Variants in FEZ1 observed in about 807,000 individuals in gnomAD.
The protein encoded by FEZ1 is fasciculation and elongation protein zeta 1.
A neutral mutation model predicts 49.3 loss-of-function variants in FEZ1; 20 were observed. The ratio of observed to expected loss-of-function variants is 0.41; its 90% confidence interval spans 0.29 to 0.59. The LOEUF is 0.59. Ranked by LOEUF, FEZ1 falls within the 20% of genes least tolerant of loss-of-function variation. The pLI is 0.36. For synonymous variants in FEZ1, 170 were observed against 180.9 expected (o/e 0.94, Z 0.48); for missense variants, 413 against 476.0 (o/e 0.87, Z 1.23).
In FEZ1 at chr11:125,443,626, C is replaced by T. The variant is rs549686174; in HGVS notation, c.*2469G>A. On this transcript the variant is annotated 3_prime_UTR_variant, in exon 10 of 10. Coordinates refer to ENST00000278919, the MANE Select transcript of FEZ1 (RefSeq NM_005103.5). ...GGGGCCTGAGATTTTGCATTTCTAACAAGCTTCTAAGTGCGGTCAGTGCTG... is the reference window on the plus strand; with the variant it reads ...GGGGCCTGAGATTTTGCATTTCTAATAAGCTTCTAAGTGCGGTCAGTGCTG... 2.6e-5 allele frequency among the ~76,000 whole-genome samples: 4 copies of T among 152,264 alleles called. No individual in the cohort carries two copies. In the South Asian group the frequency reaches 8.3e-4, roughly 32 times the overall value.
chr11:125,463,690 A>G, intron 3 of FEZ1, 120 bp from the exon 4 acceptor site: 1 of 685,214 alleles, frequency 1.5e-6, no homozygotes, highest in Admixed American at 2.2e-5. Flanking sequence ...CTGTCTAAAC[A>G]GTGGAGCTGA....
chr11:125,483,239 C>T (rs1270541903), intron 2 of FEZ1, among the ~76,000 whole-genome samples: 1 of 151,972 alleles, frequency 6.6e-6, no homozygotes, highest in South Asian at 2.1e-4. Flanking sequence ...AGGAATGCGA[C>T]GTGATATATG....
Position 125,460,678 on chromosome 11 carries a change from A to G in FEZ1, c.499-12T>C. The G allele has an allele frequency of 6.2e-7, 1 of 1,612,310 alleles. No individual in the cohort carries two copies. The highest frequency in any genetic ancestry group is 8.5e-7 in the Non-Finnish European group (1 of 1,179,564). ...ATCTCCTCAATTACCTGAAGAAGGT[A>G]CACGAGAGAGTGCTAACTCTGTTCT... On this transcript the variant is annotated splice_polypyrimidine_tract_variant and intron_variant, in intron 4 of 9. Coordinates refer to ENST00000278919, the MANE Select transcript of FEZ1 (RefSeq NM_005103.5).
intron 2 of FEZ1, among the ~76,000 whole-genome samples, chr11:125,485,374 G>A (rs758446020): frequency 1.3e-5 from 2 of 152,078 alleles, no homozygotes; most frequent in Non-Finnish European, 2.9e-5. Context: ...GGGGTGCCAG[G>A]ACACGTGTAC....
In FEZ1 at chr11:125,496,248, C is replaced by A. The variant is rs1026185802; in HGVS notation, c.-173G>T. The A allele has an allele frequency of 6.5e-6, 1 of 152,894 alleles. No homozygotes were observed. The highest frequency in any genetic ancestry group is 6.6e-5 in the Admixed American group (1 of 15,254). The allele number at this position is 152,894 out of a possible 1,614,324, so 9.5% of individuals were successfully genotyped here. A position where few individuals can be genotyped will look rare whatever the true frequency, so the allele number is the denominator to read the frequency against. ...GCCAGCCAGCCAGCCAGCCAGCGAG[C>A]GCTCCCCGCGCAGCTCCGGCGGCGC... On this transcript the variant is annotated 5_prime_UTR_variant, in exon 1 of 10. Transcript: ENST00000278919.
chr11:125,454,388 A>T (rs1956987478), intron 6 of FEZ1, 178 bp from the exon 7 acceptor site: 1 of 466,890 alleles, frequency 2.1e-6, no homozygotes, highest in South Asian at 4.5e-5. Context: ...GCTTTGCAAG[A>T]ATAAACAGAG....
chr11:125,477,515 A>G (rs902984959), intron 3 of FEZ1, among the ~76,000 whole-genome samples: 20 of 152,116 alleles, frequency 1.3e-4, no homozygotes, highest in African/African-American at 4.6e-4. Flanking sequence ...ACACACACAC[A>G]AAAAATTAGC....
At chr11:125,483,006 T>TAAAAAAAAAAAAAAAAAAAAAA (rs1957298030) in intron 2 of FEZ1, among the ~76,000 whole-genome samples, 1 of 57,294 alleles carries the variant, frequency 1.7e-5, no homozygotes, top group African/African-American at 6.3e-5. Context: ...AAAAAAAAAC[T>TAAAAAAAAAAAAAAAAAAAAAA]AAAATATTAG....
chr11:125,454,567 A>C (rs948263724), intron 6 of FEZ1, among the ~76,000 whole-genome samples: 2 of 152,206 alleles, frequency 1.3e-5, no homozygotes, highest in African/African-American at 4.8e-5. Flanking sequence ...ATGTTCAGCT[A>C]TCAGAAGAGG....
chr11:125,468,268 C>T (rs1446474066), intron 3 of FEZ1, among the ~76,000 whole-genome samples: 1 of 152,038 alleles, frequency 6.6e-6, no homozygotes, highest in East Asian at 1.9e-4. Context: ...GCCTCCCTTT[C>T]CTGGGATCAG....
intron 3 of FEZ1, among the ~76,000 whole-genome samples, chr11:125,468,437 A>G (rs1043961151): frequency 1.3e-5 from 2 of 152,006 alleles, no homozygotes; most frequent in South Asian, 2.1e-4. Flanking sequence ...TGATCTTCCT[A>G]CTTCAGCCTC....
At chr11:125,490,401 A>T (rs976207998) in intron 1 of FEZ1, among the ~76,000 whole-genome samples, 7 of 152,218 alleles carry the variant, frequency 4.6e-5, no homozygotes, top group African/African-American at 1.4e-4. Flanking sequence ...TTAATTACAA[A>T]GATTGCTATC....
intron 3 of FEZ1, among the ~76,000 whole-genome samples, chr11:125,464,186 AG>A (rs1430122375): frequency 6.6e-6 from 1 of 152,246 alleles, no homozygotes; most frequent in Non-Finnish European, 1.5e-5. Context: ...ACTACAAAAG[AG>A]AACCCCATTT....
rs181234349 is a variant in FEZ1 at position 125,444,365 on chromosome 11, C to T, written c.*1730G>A. Among the ~76,000 whole-genome samples the T allele has an allele frequency of 7.2e-5, 11 of 152,240 alleles. No individual in the cohort carries two copies. Among genetic ancestry groups the T allele is most frequent in the East Asian group, 1.9e-4 (1 of 5,180 alleles). On this transcript the variant is annotated 3_prime_UTR_variant, in exon 10 of 10. Coordinates refer to ENST00000278919, the MANE Select transcript of FEZ1 (RefSeq NM_005103.5). ...CTTTGGGAAGCCTAGGAGGGCAGAT[C>T]GCCTGAGGTCGGGAGTTCGAGACCA...
At chr11:125,481,290 A>T (rs1957276920) in intron 3 of FEZ1, among the ~76,000 whole-genome samples, 1 of 151,888 alleles carries the variant, frequency 6.6e-6, no homozygotes. Flanking sequence ...TGGGACCACA[A>T]GCATGCGCCA....
chr11:125,468,679 G>A (rs1314716811), intron 3 of FEZ1, among the ~76,000 whole-genome samples: 1 of 152,112 alleles, frequency 6.6e-6, no homozygotes, highest in Non-Finnish European at 1.5e-5. Context: ...CAAGAGAAAT[G>A]CCAGAAAACA....
intron 8 of FEZ1, 51 bp downstream of exon 8, chr11:125,452,283 G>A (rs1422048041): frequency 8.0e-7 from 1 of 1,257,800 alleles, no homozygotes; most frequent in Non-Finnish European, 1.2e-6. Flanking sequence ...CGTACAGGCA[G>A]GAAGGGAGAA....
chr11:125,451,035 G>A (rs1956949939), intron 8 of FEZ1, among the ~76,000 whole-genome samples: 1 of 152,070 alleles, frequency 6.6e-6, no homozygotes, highest in Admixed American at 6.5e-5. Context: ...ATTTCACACT[G>A]AATTCCTGAA....
intron 2 of FEZ1, 128 bp from the exon 3 acceptor site, chr11:125,481,761 C>G: frequency 1.4e-6 from 1 of 716,152 alleles, no homozygotes; most frequent in South Asian, 1.5e-5. Context: ...TGCCTTCCAG[C>G]ATGCAGGGGC....
Sources: gnomAD v4.1 joint callset for allele counts (sites outside exome capture counted in the v4.1 genomes callset) on GRCh38, gnomAD v4.1.1 for gene constraint, MANE v1.5 for transcripts, NCBI Gene and HGNC (gene_info 2026-07-23, HGNC 2026-07-21) for gene names.